Variants in DLG2 observed in about 807,000 individuals in gnomAD.
The protein encoded by DLG2 is disks large homolog 2.
In DLG2, 45 loss-of-function variants were observed where a neutral mutation model predicts 132.5. The ratio of observed to expected loss-of-function variants is 0.34; its 90% CI spans 0.27 to 0.44. The LOEUF (loss-of-function observed/expected upper bound fraction) is 0.44, where lower values mean the gene tolerates loss of function less well. Among genes scored for constraint, DLG2 ranks in the 20% least tolerant of loss-of-function variants. The probability of loss-of-function intolerance (pLI) is 1.00; values close to 1 mark genes in which losing one functional copy is unlikely to be tolerated. For missense variants in DLG2, 1,045 were observed against 1,196.9 expected, an observed-to-expected ratio of 0.87 and a Z score of 1.87; for synonymous variants, 424 against 419.6, an observed-to-expected ratio of 1.01 and a Z score of -0.13.
At chr11:84,025,596 T>C (rs2095516922) in intron 11 of DLG2, among the ~76,000 whole-genome samples, 1 of 152,202 alleles carries the variant, frequency 6.6e-6, no homozygotes, top group South Asian at 2.1e-4. Flanking sequence ...TTTTAAAATC[T>C]CATTGTGAAT....
chr11:83,744,486 A>G (rs2092763158), intron 18 of DLG2, among the ~76,000 whole-genome samples: 2 of 152,222 alleles, frequency 1.3e-5, no homozygotes, highest in African/African-American at 4.8e-5. Context: ...CATTTCCCAT[A>G]TTAAATATGA....
chr11:85,284,778 G>A (rs2078452233), intron 4 of DLG2, among the ~76,000 whole-genome samples: 2 of 151,842 alleles, frequency 1.3e-5, no homozygotes, highest in African/African-American at 4.8e-5. Flanking sequence ...ATGATTAAAA[G>A]AACTGGAAAT....
intron 6 of DLG2, among the ~76,000 whole-genome samples, chr11:84,899,317 A>C (rs1282875218): frequency 6.6e-6 from 1 of 152,086 alleles, no homozygotes; most frequent in African/African-American, 2.4e-5. Context: ...GACCTAAAGA[A>C]AATCTAATTG....
intron 3 of DLG2, among the ~76,000 whole-genome samples, chr11:85,590,093 T>C (rs2079216731): frequency 6.6e-6 from 1 of 152,192 alleles, no homozygotes; most frequent in Non-Finnish European, 1.5e-5. Context: ...TTTAATGTAG[T>C]AGACAATGAG....
intron 19 of DLG2, among the ~76,000 whole-genome samples, chr11:83,552,671 C>A (rs1312302487): frequency 6.6e-6 from 1 of 152,138 alleles, no homozygotes; most frequent in Non-Finnish European, 1.5e-5. Context: ...CAGCTTCCTT[C>A]CTTCAGCCTC....
chr11:85,496,095 G>C (rs937409553), intron 3 of DLG2, among the ~76,000 whole-genome samples: 3 of 152,202 alleles, frequency 2.0e-5, no homozygotes, highest in Admixed American at 1.3e-4. Flanking sequence ...GCAGGGCACG[G>C]TGTCACATCA....
chr11:84,807,272 C>A (rs2076099772), intron 6 of DLG2, among the ~76,000 whole-genome samples: 1 of 152,016 alleles, frequency 6.6e-6, no homozygotes, highest in African/African-American at 2.4e-5. Flanking sequence ...GTGGTGAAAC[C>A]TCGTCTCTAC....
intron 3 of DLG2, among the ~76,000 whole-genome samples, chr11:85,373,856 A>G (rs2085186521): frequency 6.6e-6 from 1 of 151,624 alleles, no homozygotes; most frequent in African/African-American, 2.4e-5. Context: ...TGACTGGTCA[A>G]TGTAGATCTG....
intron 6 of DLG2, among the ~76,000 whole-genome samples, chr11:85,095,368 C>T (rs567056229): frequency 6.6e-6 from 1 of 152,232 alleles, no homozygotes; most frequent in African/African-American, 2.4e-5. Flanking sequence ...AGTGAAGGTG[C>T]AATAAAATGA....
chr11:83,981,332 C>G (rs1270443812), intron 11 of DLG2, among the ~76,000 whole-genome samples: 1 of 150,266 alleles, frequency 6.7e-6, no homozygotes, highest in African/African-American at 2.4e-5. Context: ...AGACTAGTCA[C>G]ACAAAAAAGT....
chr11:83,846,394 G>T (rs936803618), intron 16 of DLG2, among the ~76,000 whole-genome samples: 2 of 152,184 alleles, frequency 1.3e-5, no homozygotes, highest in African/African-American at 4.8e-5. Flanking sequence ...GTACTCAGGG[G>T]AGACTTTGTG....
chr11:85,569,737 CAGA>C (rs1389642578), intron 3 of DLG2, among the ~76,000 whole-genome samples: 2 of 152,106 alleles, frequency 1.3e-5, no homozygotes, highest in African/African-American at 4.8e-5. Flanking sequence ...GGTGAACCTG[CAGA>C]GAAAAGGGGA....
chr11:84,767,490 C>G (rs1387949307), intron 6 of DLG2, among the ~76,000 whole-genome samples: 1 of 152,026 alleles, frequency 6.6e-6, no homozygotes, highest in East Asian at 1.9e-4. Flanking sequence ...GCTCATGATA[C>G]ATTAACTGCT....
At chr11:84,193,940 G>A (rs774185193) in intron 8 of DLG2, among the ~76,000 whole-genome samples, 1 of 152,156 alleles carries the variant, frequency 6.6e-6, no homozygotes, top group Non-Finnish European at 1.5e-5. Context: ...TCAACACATA[G>A]AGGACTGCTG....
intron 9 of DLG2, among the ~76,000 whole-genome samples, chr11:84,126,723 A>C (rs983770338): frequency 5.3e-5 from 8 of 152,236 alleles, no homozygotes; most frequent in Non-Finnish European, 1.2e-4. Context: ...AAACTGGCAA[A>C]GATAAAAATT....
chr11:84,836,843 C>T (rs1471022494), intron 6 of DLG2, among the ~76,000 whole-genome samples: 1 of 150,838 alleles, frequency 6.6e-6, no homozygotes, highest in Non-Finnish European at 1.5e-5. Flanking sequence ...TAATTTATAC[C>T]CAGTGTCCAT....
chr11:85,274,500 T>C (rs2077760654), intron 4 of DLG2, among the ~76,000 whole-genome samples: 1 of 152,198 alleles, frequency 6.6e-6, no homozygotes, highest in Non-Finnish European at 1.5e-5. Flanking sequence ...TAGCCAAGTT[T>C]ACAAATAAGA....
chr11:84,383,462 A>T (rs1272536799), intron 7 of DLG2, among the ~76,000 whole-genome samples: 1 of 152,130 alleles, frequency 6.6e-6, no homozygotes, highest in Non-Finnish European at 1.5e-5. Flanking sequence ...ATTAGGTTAC[A>T]TTAAATGGCA....
At chr11:85,535,384 A>T (rs1010660205) in intron 3 of DLG2, among the ~76,000 whole-genome samples, 1 of 152,056 alleles carries the variant, frequency 6.6e-6, no homozygotes, top group African/African-American at 2.4e-5. Flanking sequence ...ATAAATAAAT[A>T]AATATATATA....
Sources: gnomAD v4.1 joint callset for allele counts (sites outside exome capture counted in the v4.1 genomes callset) on GRCh38, gnomAD v4.1.1 for gene constraint, MANE v1.5 for transcripts, NCBI Gene and HGNC (gene_info 2026-07-23, HGNC 2026-07-21) for gene names.